The following SIRPA variants were observed in gnomAD, a reference collection of about 807,000 sequenced individuals.
SIRPA encodes the protein tyrosine-protein phosphatase non-receptor type substrate 1.
Under a neutral mutation model 50.3 loss-of-function variants are expected in SIRPA, and 9 were observed. The ratio of observed to expected loss-of-function variants is 0.18; its 90% CI spans 0.11 to 0.31. The LOEUF (loss-of-function observed/expected upper bound fraction) is 0.31. Among genes scored for constraint, SIRPA ranks in the 10% least tolerant of loss-of-function variants. SIRPA has a pLI of 1.00. For missense variants in SIRPA, 474 were observed against 661.6 expected, an observed-to-expected ratio of 0.72 and a Z score of 3.11; for synonymous variants, 265 against 284.1, an observed-to-expected ratio of 0.93 and a Z score of 0.68.
At chr20:1,895,640 C>T in intron 1 of SIRPA, 114 bp downstream of exon 1, 3 of 789,286 alleles carry the variant, frequency 3.8e-6, no homozygotes, top group East Asian at 3.4e-5. Flanking sequence ...GGGAGAGACG[C>T]CTGTAACCAG....
intron 1 of SIRPA, among the ~76,000 whole-genome samples, chr20:1,895,853 T>C (rs1330834565): frequency 6.6e-6 from 1 of 152,132 alleles, no homozygotes; most frequent in Non-Finnish European, 1.5e-5. Flanking sequence ...TGACTGACAG[T>C]GGCTTTCAGA....
Position 1,927,104 on chromosome 20 carries a change from A to C in SIRPA, c.1202-771A>C, listed in dbSNP as rs1357630550. 6.6e-6 allele frequency among the ~76,000 whole-genome samples: 1 copy of C among 152,242 alleles called. No individual in the cohort carries two copies. The highest frequency in any genetic ancestry group is 2.4e-5 in the African/African-American group (1 of 41,460). On this transcript the variant is annotated intron_variant, in intron 5 of 7. Transcript: ENST00000358771. This position sits in a 1 kb window ranked among gnomAD's most constrained non-coding sequence, Gnocchi z 6.5. ...TCATCTAAAGATCCAGGACCTGCCC[A>C]GGCAGCAAGCGTTAACCCAGCAGCA...
In SIRPA at chr20:1,895,426, C is replaced by A. The variant is rs958947685; in HGVS notation, c.-22C>A. The A allele has an allele frequency of 4.2e-5, 58 of 1,383,118 alleles. No homozygotes were observed. The highest frequency in any genetic ancestry group is 5.3e-5 in the Non-Finnish European group (57 of 1,073,424). The allele number at this position is 1,383,118 out of a possible 1,614,324, so 85.7% of individuals were successfully genotyped here. A position where few individuals can be genotyped will look rare whatever the true frequency, so the allele number is the denominator to read the frequency against. On this transcript the variant is annotated 5_prime_UTR_variant, in exon 1 of 8. Transcript: ENST00000358771. ...GCGCGCACTCACGGCCGCTCTCCCT[C>A]CTCGCTCCGCAGCCGCGGCCCATGG...
chr20:1,896,361 C>A (rs1016086205), intron 1 of SIRPA, among the ~76,000 whole-genome samples: 14 of 149,516 alleles, frequency 9.4e-5, no homozygotes, highest in Non-Finnish European at 1.9e-4. Context: ...GGCTACTGTG[C>A]ATGTTCACCA....
intron 2 of SIRPA, among the ~76,000 whole-genome samples, chr20:1,921,170 C>T (rs1404389899): frequency 6.6e-6 from 1 of 152,224 alleles, no homozygotes; most frequent in Non-Finnish European, 1.5e-5. Context: ...GGACTTCCCT[C>T]TGGGCCCTGC....
intron 1 of SIRPA, among the ~76,000 whole-genome samples, chr20:1,912,041 C>T (rs548352796): frequency 6.6e-6 from 1 of 152,156 alleles, no homozygotes; most frequent in Admixed American, 6.5e-5. Context: ...TAAAATTCTT[C>T]AAACGCTTTA....
intron 6 of SIRPA, among the ~76,000 whole-genome samples, chr20:1,930,342 A>G (rs2267914): frequency 0.074 from 11,340 of 152,294 alleles, 567 homozygotes; most frequent in Non-Finnish European, 0.1. Context: ...GCCAGGGCCA[A>G]TGTCCCTGAG....
chr20:1,919,053 G>A (rs550567364), intron 2 of SIRPA, among the ~76,000 whole-genome samples: 25 of 152,346 alleles, frequency 1.6e-4, no homozygotes, highest in Admixed American at 3.9e-4. Context: ...GGCAGCAGGC[G>A]CCTGGCCTGC....
chr20:1,914,971 T>C, intron 1 of SIRPA, 128 bp from the exon 2 acceptor site: 1 of 793,376 alleles, frequency 1.3e-6, no homozygotes, highest in South Asian at 1.7e-5. Context: ...AGATGATACA[T>C]GCACTATACT....
At chr20:1,903,497 AC>A (rs1477517998) in intron 1 of SIRPA, among the ~76,000 whole-genome samples, 1 of 152,014 alleles carries the variant, frequency 6.6e-6, no homozygotes, top group Non-Finnish European at 1.5e-5. Flanking sequence ...CGGGCTCTTC[AC>A]CCATAGCAGC....
chr20:1,897,995 C>T (rs1454632626), intron 1 of SIRPA, among the ~76,000 whole-genome samples: 1 of 152,228 alleles, frequency 6.6e-6, no homozygotes, highest in Non-Finnish European at 1.5e-5. Flanking sequence ...GTCAGCAGGG[C>T]CTGACGCTGA....
intron 1 of SIRPA, among the ~76,000 whole-genome samples, chr20:1,896,268 G>T (rs73894241): frequency 0.019 from 2,824 of 152,290 alleles, 100 homozygotes; most frequent in African/African-American, 0.065. Flanking sequence ...GGTGCTCCGC[G>T]GGGATGTTAC....
In SIRPA at chr20:1,927,736, G is replaced by A. The variant is rs1986066084; in HGVS notation, c.1202-139G>A. On this transcript the variant is annotated intron_variant, in intron 5 of 7. Transcript: ENST00000358771. This position sits in a 1 kb window ranked among gnomAD's most constrained non-coding sequence, Gnocchi z 6.5. ...AGGATGCCCACTGGGTGGGCATGGG[G>A]GTCTCCTGTGGTTCCAAGGATGTGA... 6.5e-6 allele frequency: 5 copies of A among 766,454 alleles called. No individual in the cohort carries two copies. The Admixed American group carries it at 9.1e-5, about 14-fold the overall frequency. The allele number at this position is 766,454 out of a possible 1,614,324, so 47.5% of individuals were successfully genotyped here.
chr20:1,898,490 G>A lies in SIRPA; in HGVS notation c.79+2964G>A, dbSNP rs1056896985. Among the ~76,000 whole-genome samples, 6 of 152,130 alleles carry A rather than the reference G, an allele frequency of 3.9e-5. No individual in the cohort carries two copies. The highest frequency in any genetic ancestry group is 2.6e-4 in the Admixed American group (4 of 15,274). Reference sequence around the variant, plus strand: ...TAGATAGTTAATGGCGTTCCAGGCCGGATGCTGCTCCTGCGTCGTCTCACC... The same window carrying A: ...TAGATAGTTAATGGCGTTCCAGGCCAGATGCTGCTCCTGCGTCGTCTCACC... On this transcript the variant is annotated intron_variant, in intron 1 of 7. Coordinates refer to ENST00000358771, the MANE Select transcript of SIRPA (RefSeq NM_001040023.2). This position sits in a 1 kb window ranked among gnomAD's most constrained non-coding sequence, Gnocchi z 4.3.
chr20:1,928,218 C>T lies in SIRPA; in HGVS notation c.1226+319C>T, dbSNP rs962986211. ...CTCACAGACATCCTGCACACGCCAC[C>T]GGATGCATCCTCCCAGATCCAAGTT... On this transcript the variant is annotated intron_variant, in intron 6 of 7. Coordinates refer to ENST00000358771, the MANE Select transcript of SIRPA (RefSeq NM_001040023.2). This position sits in a 1 kb window ranked among gnomAD's most constrained non-coding sequence, Gnocchi z 4.9. Among the ~76,000 whole-genome samples, 3 of 152,174 alleles carry T rather than the reference C, an allele frequency of 2.0e-5. No homozygotes were observed. Among genetic ancestry groups the T allele is most frequent in the Non-Finnish European group, 4.4e-5 (3 of 68,034 alleles).
In SIRPA at chr20:1,915,235, T is replaced by C; in HGVS notation, c.216T>C (p.Ala72=). The C allele has an allele frequency of 6.2e-7, 1 of 1,611,482 alleles. No individual in the cohort carries two copies. Among genetic ancestry groups the C allele is most frequent in the Non-Finnish European group, 8.5e-7 (1 of 1,179,216 alleles). ...PVGPIQWFRG[A]GPGRELIYNQ... ...GGCCCATCCAGTGGTTCAGAGGAGC[T>C]GGACCAGGCCGGGAATTAATCTACA... The change falls in exon 2 of 8, where the codon GCT becomes GCC. Residue 72 remains alanine (A), a synonymous_variant. Transcript: ENST00000358771.
chr20:1,899,646 G>A (rs1001376750), intron 1 of SIRPA, among the ~76,000 whole-genome samples: 2 of 151,976 alleles, frequency 1.3e-5, no homozygotes, highest in African/African-American at 4.8e-5. Flanking sequence ...CTCATCCTCC[G>A]AGGTTCAATT....
intron 5 of SIRPA, among the ~76,000 whole-genome samples, chr20:1,925,429 T>C (rs1180152044): frequency 2.0e-5 from 3 of 152,228 alleles, no homozygotes; most frequent in South Asian, 2.1e-4. Flanking sequence ...CCCAGAAATA[T>C]GAGCCACCTC....
rs112362313 is a variant in SIRPA, at chr20:1,928,054, C to T, written c.1226+155C>T. On this transcript the variant is annotated intron_variant, in intron 6 of 7. Coordinates refer to ENST00000358771, the MANE Select transcript of SIRPA (RefSeq NM_001040023.2). This position sits in a 1 kb window ranked among gnomAD's most constrained non-coding sequence, Gnocchi z 4.9. ...TTTGTAACCTCCTCACACTGGGTCA[C>T]GCTGTTTTTAATTATTGTCCCAAAT... Among the ~76,000 whole-genome samples the T allele has an allele frequency of 0.022, 3,286 of 152,234 alleles. 61 individuals carry two copies. The highest frequency in any genetic ancestry group is 0.045 in the African/African-American group (1,850 of 41,532).
Sources: allele counts gnomAD v4.1 joint callset (sites outside exome capture counted in the v4.1 genomes callset), GRCh38; gene constraint gnomAD v4.1.1; non-coding constraint Gnocchi (gnomAD v3.1); transcripts MANE v1.5; gene names NCBI Gene and HGNC (gene_info 2026-07-23, HGNC 2026-07-21).